IL1RAPL2: variants seen among roughly 807,000 people sequenced by gnomAD.
IL1RAPL2 encodes the protein interleukin 1 receptor accessory protein like 2.
Under a neutral mutation model 44.1 loss-of-function variants are expected in IL1RAPL2, and 3 were observed. That is an observed-to-expected ratio of 0.07 (90% CI 0.03 to 0.18). The LOEUF is 0.18. Ranked by LOEUF, IL1RAPL2 falls within the 10% of genes least tolerant of loss-of-function variation. The pLI is 1.00. For missense variants in IL1RAPL2, 391 were observed against 496.4 expected (o/e 0.79, Z 2.02); for synonymous variants, 181 against 178.8 (o/e 1.01, Z -0.10).
At chrX:105,034,616 G>A (rs771975591) in intron 2 of IL1RAPL2, among the ~76,000 whole-genome samples, 226 of 111,843 alleles carry the variant, frequency 2.0e-3, no homozygotes, top group African/African-American at 6.1e-3. Flanking sequence ...TGTCTCAGAG[G>A]AGTACCCGGT....
At chrX:105,140,289 C>T (rs907566941) in intron 2 of IL1RAPL2, among the ~76,000 whole-genome samples, 2 of 112,463 alleles carry the variant, frequency 1.8e-5, no homozygotes, top group Non-Finnish European at 3.8e-5. Flanking sequence ...TGCCCAATGA[C>T]ATATGCTGAG....
intron 2 of IL1RAPL2, among the ~76,000 whole-genome samples, chrX:104,829,567 C>T (rs978554453): frequency 2.7e-5 from 3 of 112,430 alleles, no homozygotes; most frequent in African/African-American, 9.7e-5. Context: ...CAGAGCTGTT[C>T]GTATTCGGCC....
intron 2 of IL1RAPL2, among the ~76,000 whole-genome samples, chrX:104,854,417 G>A (rs1171490223): frequency 8.9e-6 from 1 of 111,884 alleles, no homozygotes; most frequent in Non-Finnish European, 1.9e-5. Flanking sequence ...TGTTCCATGA[G>A]TCATCATCTA....
intron 2 of IL1RAPL2, among the ~76,000 whole-genome samples, chrX:104,862,964 G>A (rs1321932820): frequency 9.0e-6 from 1 of 111,395 alleles, no homozygotes; most frequent in Non-Finnish European, 1.9e-5. Flanking sequence ...AGTTAGGAAA[G>A]TGTTGGGGGT....
At chrX:105,684,009 A>C (rs748382469) in intron 6 of IL1RAPL2, among the ~76,000 whole-genome samples, 1 of 112,678 alleles carries the variant, frequency 8.9e-6, no homozygotes, top group Non-Finnish European at 1.9e-5. Context: ...AATGATCTAG[A>C]TATCCAATGA....
chrX:105,143,373 T>G (rs1173531177), intron 2 of IL1RAPL2, among the ~76,000 whole-genome samples: 3 of 111,944 alleles, frequency 2.7e-5, no homozygotes, highest in Admixed American at 9.4e-5. Flanking sequence ...ATCAGAGAAA[T>G]GCAAATCAAA....
In IL1RAPL2 at chrX:104,688,289, A is replaced by G. The variant is rs758539081; in HGVS notation, c.82+29294A>G. ...TAGGTGTACCCAGTTTTTGTGTTCA[A>G]TAAAGTTAAAGGGATTTTTTTTACA... On this transcript the variant is annotated intron_variant, in intron 2 of 10. Coordinates refer to ENST00000372582, the MANE Select transcript of IL1RAPL2 (RefSeq NM_017416.2). Among the ~76,000 whole-genome samples the G allele has an allele frequency of 8.9e-5, 10 of 112,202 alleles. No homozygotes were observed. In the East Asian group the frequency reaches 2.2e-3, roughly 25 times the overall value.
At chrX:104,835,255 A>G (rs1484933507) in intron 2 of IL1RAPL2, among the ~76,000 whole-genome samples, 1 of 111,358 alleles carries the variant, frequency 9.0e-6, no homozygotes, top group Non-Finnish European at 1.9e-5. Flanking sequence ...TAAATTGGAG[A>G]CACAGAGAGG....
chrX:105,425,854 C>T (rs1358255931), intron 5 of IL1RAPL2, among the ~76,000 whole-genome samples: 1 of 110,009 alleles, frequency 9.1e-6, no homozygotes, highest in Non-Finnish European at 1.9e-5. Flanking sequence ...CATCCTAACA[C>T]CAACAAAAAG....
chrX:105,065,213 T>C (rs1051522494), intron 2 of IL1RAPL2, among the ~76,000 whole-genome samples: 12 of 111,672 alleles, frequency 1.1e-4, no homozygotes, highest in African/African-American at 3.3e-4. Flanking sequence ...CACCACATCG[T>C]AATTGTTTGA....
chrX:104,689,093 A>T, intron 2 of IL1RAPL2, among the ~76,000 whole-genome samples: 1 of 111,671 alleles, frequency 9.0e-6, no homozygotes, highest in South Asian at 3.8e-4. Flanking sequence ...AAATCCAAAA[A>T]CCAACGTATA....
At chrX:104,844,084 C>T (rs2147637171) in intron 2 of IL1RAPL2, among the ~76,000 whole-genome samples, 1 of 109,700 alleles carries the variant, frequency 9.1e-6, no homozygotes, top group African/African-American at 3.3e-5. Context: ...TTCTGTAGTG[C>T]CCAAGTGTTG....
At chrX:105,583,780 AC>A (rs1178274137) in intron 6 of IL1RAPL2, among the ~76,000 whole-genome samples, 1 of 110,788 alleles carries the variant, frequency 9.0e-6, no homozygotes, top group East Asian at 2.8e-4. Flanking sequence ...CTTTGTTCTT[AC>A]TTGGGGTTTA....
intron 5 of IL1RAPL2, among the ~76,000 whole-genome samples, chrX:105,440,735 T>C (rs2035914586): frequency 1.8e-5 from 2 of 112,351 alleles, no homozygotes; most frequent in Non-Finnish European, 3.8e-5. Flanking sequence ...ATCGGTGATA[T>C]GGATTGTCTG....
intron 3 of IL1RAPL2, among the ~76,000 whole-genome samples, chrX:105,218,399 G>A (rs1236815096): frequency 9.0e-6 from 1 of 111,269 alleles, no homozygotes; most frequent in East Asian, 2.9e-4. Context: ...AACTCCAAGT[G>A]GCCTACAGCT....
chrX:105,074,640 C>T (rs931212829), intron 2 of IL1RAPL2, among the ~76,000 whole-genome samples: 1 of 105,585 alleles, frequency 9.5e-6, no homozygotes, highest in Non-Finnish European at 2.0e-5. Flanking sequence ...GCAGTATGGC[C>T]ATTTTCACGA....
At position 105,458,578 on chromosome X, in the gene IL1RAPL2, T is replaced by A. The variant is rs150463559; in HGVS notation, c.698-25735T>A. On this transcript the variant is annotated intron_variant, in intron 5 of 10. Coordinates refer to ENST00000372582, the MANE Select transcript of IL1RAPL2 (RefSeq NM_017416.2). ...CTTCTAAGGTCTCTTCTGGGCCAAG[T>A]ATACAGTTTTGCTCATGTGTTTGAC... Among the ~76,000 whole-genome samples, 204 of 111,872 alleles carry A rather than the reference T, an allele frequency of 1.8e-3. 1 individual carries two copies. Among genetic ancestry groups the A allele is most frequent in the African/African-American group, 6.4e-3 (199 of 30,889 alleles).
chrX:104,655,916 G>C (rs894126546), intron 1 of IL1RAPL2, among the ~76,000 whole-genome samples: 7 of 111,336 alleles, frequency 6.3e-5, no homozygotes, highest in Non-Finnish European at 3.8e-5. Context: ...TGTATGTGTC[G>C]AGGAATTTAT....
rs748127601 is a variant in IL1RAPL2 at position 105,337,889 on chromosome X, T to TCACACA, written c.697+70369_697+70374dup. Among the ~76,000 whole-genome samples, 160 of 104,736 alleles carry TCACACA rather than the reference T, an allele frequency of 1.5e-3. 1 individual carries two copies. The highest frequency in any genetic ancestry group is 5.3e-3 in the African/African-American group (150 of 28,380). 91.0% of individuals were successfully genotyped at this position (104,736 alleles called of 115,157 possible). A position where few individuals can be genotyped will look rare whatever the true frequency, so the allele number is the denominator to read the frequency against. ...CTGGGAGAGAGAGTGAGACTCCATC[T>TCACACA]CACACACACACACACACACACACAC... On this transcript the variant is annotated intron_variant, in intron 5 of 10. Coordinates refer to ENST00000372582, the MANE Select transcript of IL1RAPL2 (RefSeq NM_017416.2).
Sources: gnomAD v4.1 joint callset for allele counts (sites outside exome capture counted in the v4.1 genomes callset) on GRCh38, gnomAD v4.1.1 for gene constraint, MANE v1.5 for transcripts, NCBI Gene and HGNC (gene_info 2026-07-23, HGNC 2026-07-21) for gene names.